Variants in RBFOX1 observed in about 807,000 individuals in gnomAD.
RBFOX1 encodes the protein RNA binding fox-1 homolog 1, also known as RNA binding protein fox-1 homolog 1.
A neutral mutation model predicts 57.7 loss-of-function variants in RBFOX1; 8 were observed. The ratio of observed to expected loss-of-function variants is 0.14; its 90% CI spans 0.08 to 0.25. The LOEUF (loss-of-function observed/expected upper bound fraction) is 0.25, where lower values mean the gene tolerates loss of function less well. Among genes scored for constraint, RBFOX1 ranks in the 10% least tolerant of loss-of-function variants. The pLI is 1.00. For missense variants in RBFOX1, 611 were observed against 548.5 expected, an observed-to-expected ratio of 1.11 and a Z score of -1.14; for synonymous variants, 326 against 222.4, an observed-to-expected ratio of 1.47 and a Z score of -4.15.
chr16:5,418,127 T>A (rs776098502), intron 1 of RBFOX1, among the ~76,000 whole-genome samples: 4 of 152,130 alleles, frequency 2.6e-5, no homozygotes, highest in Non-Finnish European at 5.9e-5. Flanking sequence ...TGCAGAAATG[T>A]CCTTGAATGT....
At chr16:7,513,166 G>C (rs1321366227) in intron 4 of RBFOX1, among the ~76,000 whole-genome samples, 2 of 152,122 alleles carry the variant, frequency 1.3e-5, no homozygotes, top group African/African-American at 4.8e-5. Context: ...AGGAGGCTGA[G>C]GCAGGAGAAT....
At chr16:5,820,940 C>T (rs888344644) in intron 3 of RBFOX1, among the ~76,000 whole-genome samples, 2 of 152,138 alleles carry the variant, frequency 1.3e-5, no homozygotes, top group South Asian at 2.1e-4. Flanking sequence ...AAGGGGATCC[C>T]TCATCACAGT....
intron 1 of RBFOX1, among the ~76,000 whole-genome samples, chr16:5,253,253 G>T (rs1468418408): frequency 2.6e-5 from 4 of 151,900 alleles, no homozygotes; most frequent in African/African-American, 9.7e-5. Context: ...GGGTTCAAGC[G>T]ATTCTCCTGT....
chr16:7,099,850 A>G (rs535472006), intron 4 of RBFOX1, among the ~76,000 whole-genome samples: 12 of 152,236 alleles, frequency 7.9e-5, no homozygotes, highest in African/African-American at 2.4e-4. Flanking sequence ...CCTAGGTTTT[A>G]TCGTGCGGTT....
At chr16:6,882,704 G>T (rs1015641205) in intron 3 of RBFOX1, among the ~76,000 whole-genome samples, 11 of 152,214 alleles carry the variant, frequency 7.2e-5, no homozygotes, top group Middle Eastern at 6.8e-3. Context: ...ATTCAGTTTG[G>T]GATATTTGGA....
intron 1 of RBFOX1, among the ~76,000 whole-genome samples, chr16:6,230,766 A>G (rs1764377122): frequency 6.6e-6 from 1 of 152,218 alleles, no homozygotes; most frequent in African/African-American, 2.4e-5. Context: ...ACCTTCTGGG[A>G]GATGAAGTCC....
chr16:6,254,537 T>G (rs2097648469), intron 1 of RBFOX1, among the ~76,000 whole-genome samples: 2 of 152,156 alleles, frequency 1.3e-5, no homozygotes, highest in African/African-American at 4.8e-5. Context: ...CATACCATCT[T>G]GGGCAAGGTG....
At chr16:6,840,848 T>G (rs9921226) in intron 3 of RBFOX1, among the ~76,000 whole-genome samples, 1 of 147,792 alleles carries the variant, frequency 6.8e-6, no homozygotes, top group Non-Finnish European at 1.5e-5. Flanking sequence ...GATCGTCCCA[T>G]TGTACTCTAG....
chr16:7,142,681 A>G (rs1469213169), intron 4 of RBFOX1, among the ~76,000 whole-genome samples: 1 of 152,180 alleles, frequency 6.6e-6, no homozygotes, highest in African/African-American at 2.4e-5. Context: ...TTGTTTGTAT[A>G]TACATGTCTT....
At chr16:5,854,609 T>C (rs369173319) in intron 3 of RBFOX1, among the ~76,000 whole-genome samples, 8 of 132,164 alleles carry the variant, frequency 6.1e-5, no homozygotes, top group East Asian at 2.4e-4. Context: ...CACACACACA[T>C]GCACACCACA....
intron 4 of RBFOX1, among the ~76,000 whole-genome samples, chr16:5,992,574 TG>T (rs1455143483): frequency 1.3e-5 from 2 of 152,072 alleles, no homozygotes; most frequent in Non-Finnish European, 2.9e-5. Flanking sequence ...ATGTGTGTGT[TG>T]GGGAGTTTGT....
At chr16:7,482,017 C>T (rs1207637423) in intron 4 of RBFOX1, among the ~76,000 whole-genome samples, 1 of 152,180 alleles carries the variant, frequency 6.6e-6, no homozygotes, top group Non-Finnish European at 1.5e-5. Context: ...ATTGTAAAGT[C>T]GAAAAGTCTT....
At chr16:6,473,424 A>T (rs188242194) in intron 2 of RBFOX1, among the ~76,000 whole-genome samples, 2 of 152,136 alleles carry the variant, frequency 1.3e-5, no homozygotes, top group South Asian at 2.1e-4. Context: ...CCACTGACTC[A>T]CCCCCATTTC....
At chr16:5,974,596 C>T (rs1028190339) in intron 4 of RBFOX1, among the ~76,000 whole-genome samples, 22 of 151,926 alleles carry the variant, frequency 1.4e-4, no homozygotes, top group East Asian at 5.9e-4. Flanking sequence ...GGCGACAGAG[C>T]GAAAGTCCAT....
chr16:5,307,909 C>G (rs901365448), intron 1 of RBFOX1, among the ~76,000 whole-genome samples: 2 of 152,172 alleles, frequency 1.3e-5, no homozygotes, highest in African/African-American at 4.8e-5. Context: ...AGATCCAGGC[C>G]TCAGGCAATC....
At chr16:6,249,098 C>G (rs2097586227) in intron 1 of RBFOX1, among the ~76,000 whole-genome samples, 1 of 152,130 alleles carries the variant, frequency 6.6e-6, no homozygotes, top group South Asian at 2.1e-4. Context: ...ATTAGTCCAG[C>G]CCCCACTCCC....
At chr16:7,275,747 CA>C (rs2095428539) in intron 4 of RBFOX1, among the ~76,000 whole-genome samples, 1 of 152,184 alleles carries the variant, frequency 6.6e-6, no homozygotes, top group Non-Finnish European at 1.5e-5. Context: ...CCACAAGCAT[CA>C]AAATATCCAC....
intron 1 of RBFOX1, among the ~76,000 whole-genome samples, chr16:6,316,172 A>G (rs935837643): frequency 5.9e-5 from 9 of 151,298 alleles, no homozygotes; most frequent in African/African-American, 1.9e-4. Flanking sequence ...ACAAGTCAGT[A>G]TCCCAACCCC....
chr16:6,008,687 A>C (rs923790323), intron 4 of RBFOX1, among the ~76,000 whole-genome samples: 1 of 152,160 alleles, frequency 6.6e-6, no homozygotes. Flanking sequence ...ACCCAGAGGA[A>C]AGATGGACAC....
Sources: gnomAD v4.1 joint callset for allele counts (sites outside exome capture counted in the v4.1 genomes callset) on GRCh38, gnomAD v4.1.1 for gene constraint, MANE v1.5 for transcripts, NCBI Gene and HGNC (gene_info 2026-07-23, HGNC 2026-07-21) for gene names.